Variants in PDGFD observed in about 807,000 individuals in gnomAD.
PDGFD encodes the protein platelet-derived growth factor D.
Under a neutral mutation model 44.7 loss-of-function variants are expected in PDGFD, and 30 were observed. The ratio of observed to expected loss-of-function variants is 0.67; its 90% CI spans 0.50 to 0.91. The LOEUF (loss-of-function observed/expected upper bound fraction) is 0.91. PDGFD is among the 40% of genes least tolerant of loss of function. PDGFD has a pLI of 0.00. For synonymous variants in PDGFD, 173 were observed against 168.4 expected, an observed-to-expected ratio of 1.03 and a Z score of -0.21; for missense variants, 445 against 457.8, an observed-to-expected ratio of 0.97 and a Z score of 0.25.
At chr11:104,008,228 A>G (rs902839405) in intron 1 of PDGFD, among the ~76,000 whole-genome samples, 11 of 152,338 alleles carry the variant, frequency 7.2e-5, no homozygotes, top group African/African-American at 2.4e-4. Flanking sequence ...ATGACACCTC[A>G]ATAGTTTTCT....
rs1433847941 is a variant in PDGFD at position 104,119,652 on chromosome 11, T to TA, written c.124+44151dup. ...TATTAATATATAATATATTAATAGA[T>TA]ATATATAATTATATATCGATATATA... On this transcript the variant is annotated intron_variant, in intron 1 of 6. Coordinates refer to ENST00000393158, the MANE Select transcript of PDGFD (RefSeq NM_025208.5). Among the ~76,000 whole-genome samples, 163 of 3,234 alleles carry TA rather than the reference T, an allele frequency of 0.05. 16 individuals carry two copies. The East Asian group carries it at 0.55, about 11-fold the overall frequency. The allele number at this position is 3,234 out of a possible 152,430, so 2.1% of individuals were successfully genotyped here. A position where few individuals can be genotyped will look rare whatever the true frequency, so the allele number is the denominator to read the frequency against.
chr11:103,976,666 T>C (rs1027435491), intron 3 of PDGFD, among the ~76,000 whole-genome samples: 15 of 152,136 alleles, frequency 9.9e-5, no homozygotes, highest in African/African-American at 3.4e-4. Context: ...GCTATGGGTT[T>C]CTCATAAATA....
At chr11:104,022,283 G>A (rs1343157515) in intron 1 of PDGFD, among the ~76,000 whole-genome samples, 2 of 152,036 alleles carry the variant, frequency 1.3e-5, no homozygotes, top group Non-Finnish European at 2.9e-5. Flanking sequence ...ACAATCCTTC[G>A]TGTTCTTCCT....
chr11:104,071,985 C>T (rs1860884886), intron 1 of PDGFD, among the ~76,000 whole-genome samples: 1 of 151,544 alleles, frequency 6.6e-6, no homozygotes. Flanking sequence ...ATTACAGAGG[C>T]TTTATAATAT....
chr11:104,028,062 C>A (rs909477272), intron 1 of PDGFD, among the ~76,000 whole-genome samples: 1 of 151,792 alleles, frequency 6.6e-6, no homozygotes, highest in Non-Finnish European at 1.5e-5. Context: ...TGGTGACAGG[C>A]GCCTGTAGTC....
At position 103,908,262 on chromosome 11, in the gene PDGFD, C is replaced by T. The variant is rs1315301271; in HGVS notation, c.*1432G>A. ...GCTTTGGAGGATGATGAATCATTTC[C>T]TACTCCTGGAGTTAGTCTCCTTTAA... On this transcript the variant is annotated 3_prime_UTR_variant, in exon 7 of 7. Transcript: ENST00000393158. The T allele has an allele frequency of 6.6e-6, 1 of 152,176 alleles. No individual in the cohort carries two copies. The highest frequency in any genetic ancestry group is 1.5e-5 in the Non-Finnish European group (1 of 68,036). The allele number at this position is 152,176 out of a possible 1,614,324, so 9.4% of individuals were successfully genotyped here.
At chr11:103,918,474 T>C (rs1410721345) in intron 6 of PDGFD, among the ~76,000 whole-genome samples, 1 of 152,220 alleles carries the variant, frequency 6.6e-6, no homozygotes, top group African/African-American at 2.4e-5. Context: ...TTGTGATGAC[T>C]GGCACCTGTA....
chr11:104,044,297 A>G (rs573354452), intron 1 of PDGFD, among the ~76,000 whole-genome samples: 4 of 152,326 alleles, frequency 2.6e-5, no homozygotes, highest in Admixed American at 2.6e-4. Context: ...TCATAAGTTT[A>G]GTGCTAGTAT....
intron 1 of PDGFD, among the ~76,000 whole-genome samples, chr11:104,130,841 G>A (rs1372132097): frequency 6.6e-6 from 1 of 152,070 alleles, no homozygotes; most frequent in Non-Finnish European, 1.5e-5. Flanking sequence ...CTAACCTTCT[G>A]ATACTTTTGG....
At chr11:103,940,242 A>G (rs1290921983) in intron 5 of PDGFD, among the ~76,000 whole-genome samples, 4 of 152,074 alleles carry the variant, frequency 2.6e-5, no homozygotes, top group Non-Finnish European at 5.9e-5. Context: ...CTGATTCATT[A>G]TAAGTTCTTT....
intron 1 of PDGFD, chr11:104,036,679 G>A (rs903970764): frequency 1.0e-5 from 7 of 673,868 alleles, no homozygotes; most frequent in Non-Finnish European, 1.8e-5. Context: ...ATGAGTGTCC[G>A]CGCCTCTCTG....
rs190460525 is a variant in PDGFD, at chr11:103,983,803, T to C, written c.510+12262A>G. Among the ~76,000 whole-genome samples the C allele has an allele frequency of 9.5e-4, 143 of 151,320 alleles. 3 individuals are homozygous for C. Among genetic ancestry groups the C allele is most frequent in the African/African-American group, 3.0e-3 (124 of 41,084 alleles). ...AAGAAGACATACATGTGGCCGACAATCACATGAAAAAACCGATCATTAGAG... is the reference window on the plus strand; with the variant it reads ...AAGAAGACATACATGTGGCCGACAACCACATGAAAAAACCGATCATTAGAG... On this transcript the variant is annotated intron_variant, in intron 3 of 6. Coordinates refer to ENST00000393158, the MANE Select transcript of PDGFD (RefSeq NM_025208.5).
chr11:104,040,197 T>G (rs933538476), intron 1 of PDGFD, among the ~76,000 whole-genome samples: 20 of 152,092 alleles, frequency 1.3e-4, no homozygotes, highest in Non-Finnish European at 5.9e-5. Context: ...TCAGTAGGTT[T>G]TCACCAGATT....
chr11:103,970,502 C>T (rs1750956479), intron 3 of PDGFD, among the ~76,000 whole-genome samples: 1 of 152,056 alleles, frequency 6.6e-6, no homozygotes, highest in Admixed American at 6.6e-5. Flanking sequence ...ATTGATAAGA[C>T]AGAAATCAGA....
At chr11:103,992,906 A>G (rs547887580) in intron 3 of PDGFD, among the ~76,000 whole-genome samples, 1 of 152,236 alleles carries the variant, frequency 6.6e-6, no homozygotes, top group South Asian at 2.1e-4. Context: ...GTACACCTGG[A>G]GAGTCACTGA....
chr11:103,976,216 G>A (rs936183429), intron 3 of PDGFD, among the ~76,000 whole-genome samples: 6 of 149,766 alleles, frequency 4.0e-5, no homozygotes, highest in African/African-American at 9.7e-5. Context: ...CTTCACATCC[G>A]TTGTAAGTTG....
At chr11:104,126,702 T>A (rs901753152) in intron 1 of PDGFD, among the ~76,000 whole-genome samples, 1 of 152,112 alleles carries the variant, frequency 6.6e-6, no homozygotes, top group Admixed American at 6.5e-5. Context: ...ACATCAATCA[T>A]TGTACAGTTC....
chr11:103,911,682 G>A (rs1316402836), intron 6 of PDGFD, among the ~76,000 whole-genome samples: 3 of 151,936 alleles, frequency 2.0e-5, no homozygotes, highest in Admixed American at 1.3e-4. Context: ...AAACTCCTCC[G>A]AGCTAAAGGA....
At chr11:103,943,372 A>C in intron 5 of PDGFD, 80 bp downstream of exon 5, 1 of 1,340,888 alleles carries the variant, frequency 7.5e-7, no homozygotes, top group South Asian at 1.4e-5. Flanking sequence ...GGTTTCAAAT[A>C]CTTTGGATAA....
Sources: allele counts gnomAD v4.1 joint callset (sites outside exome capture counted in the v4.1 genomes callset), GRCh38; gene constraint gnomAD v4.1.1; transcripts MANE v1.5; gene names NCBI Gene and HGNC (gene_info 2026-07-23, HGNC 2026-07-21).